Variants in RGS6 observed in about 807,000 individuals in gnomAD.
RGS6 encodes regulator of G-protein signaling 6.
In RGS6, 30 loss-of-function variants were observed where a neutral mutation model predicts 78.5. That is an observed-to-expected ratio of 0.38 (90% CI 0.29 to 0.52). The LOEUF (loss-of-function observed/expected upper bound fraction) is 0.52, where lower values mean the gene tolerates loss of function less well. Among genes scored for constraint, RGS6 ranks in the 20% least tolerant of loss-of-function variants. The probability of loss-of-function intolerance (pLI) is 0.85; values close to 1 mark genes in which losing one functional copy is unlikely to be tolerated. For missense variants in RGS6, 495 were observed against 609.7 expected, an observed-to-expected ratio of 0.81 and a Z score of 1.98; for synonymous variants, 206 against 206.0, an observed-to-expected ratio of 1.00 and a Z score of 0.00.
intron 13 of RGS6, among the ~76,000 whole-genome samples, chr14:72,503,390 G>A (rs1347468533): frequency 6.6e-6 from 1 of 152,090 alleles, no homozygotes; most frequent in Non-Finnish European, 1.5e-5. Context: ...ACTTGTCCTG[G>A]CATCAATTCT....
chr14:71,981,908 T>A (rs1327863095), intron 2 of RGS6, among the ~76,000 whole-genome samples: 1 of 149,992 alleles, frequency 6.7e-6, no homozygotes, highest in East Asian at 2.0e-4. Context: ...TGCAGTTTGA[T>A]CTCAGACTGC....
At chr14:72,172,001 T>C (rs1346468323) in intron 2 of RGS6, among the ~76,000 whole-genome samples, 2 of 152,184 alleles carry the variant, frequency 1.3e-5, no homozygotes, top group Non-Finnish European at 2.9e-5. Context: ...GAGCTTGCCA[T>C]GCCTCTTGGT....
the RGS6 span, among the ~76,000 whole-genome samples, chr14:71,891,793 A>C: frequency 6.6e-6 from 1 of 152,100 alleles, no homozygotes; most frequent in African/African-American, 2.4e-5. Context: ...CTGGATATCC[A>C]CTTAGCAGAC....
At chr14:72,003,889 A>G (rs537577963) in intron 2 of RGS6, among the ~76,000 whole-genome samples, 4 of 152,302 alleles carry the variant, frequency 2.6e-5, no homozygotes, top group African/African-American at 7.2e-5. Context: ...AGGACGGCGC[A>G]TGAGCTTGGA....
At chr14:72,239,307 G>A (rs847263) in intron 2 of RGS6, among the ~76,000 whole-genome samples, 46,913 of 151,978 alleles carry the variant, frequency 0.31, 7,957 homozygotes, top group South Asian at 0.43. Context: ...TCCCTTTTCT[G>A]GTGGTGTGCC....
At chr14:72,602,180 C>T in the RGS6 span, among the ~76,000 whole-genome samples, 3 of 152,192 alleles carry the variant, frequency 2.0e-5, no homozygotes, top group Non-Finnish European at 4.4e-5. Context: ...ACTCCCAAGC[C>T]AGGGTACTTT....
the RGS6 span, among the ~76,000 whole-genome samples, chr14:71,875,565 A>G: frequency 2.6e-5 from 4 of 152,030 alleles, no homozygotes; most frequent in Non-Finnish European, 5.9e-5. Flanking sequence ...CTAGCGGTCT[A>G]TCAATTTTGC....
At chr14:71,940,327 G>A (rs2090314936) in intron 1 of RGS6, among the ~76,000 whole-genome samples, 1 of 152,192 alleles carries the variant, frequency 6.6e-6, no homozygotes. Context: ...CCTTCCTTAA[G>A]GGGACCCAGC....
intron 3 of RGS6, among the ~76,000 whole-genome samples, chr14:72,429,738 G>A (rs566823640): frequency 1.2e-4 from 18 of 152,332 alleles, no homozygotes; most frequent in African/African-American, 4.3e-4. Context: ...AGTGTTAAAA[G>A]ACAGCTGATA....
intron 3 of RGS6, among the ~76,000 whole-genome samples, chr14:72,380,583 A>G (rs1249194868): frequency 1.3e-5 from 2 of 152,176 alleles, no homozygotes; most frequent in African/African-American, 4.8e-5. Flanking sequence ...GTTCAACATC[A>G]TGAATCATCA....
intron 2 of RGS6, among the ~76,000 whole-genome samples, chr14:72,152,239 A>T (rs1320552092): frequency 2.8e-5 from 4 of 142,452 alleles, no homozygotes; most frequent in African/African-American, 8.0e-5. Context: ...AGAGAGAGAG[A>T]GAGAGAGTGT....
At chr14:72,037,166 A>C (rs1205893710) in intron 2 of RGS6, among the ~76,000 whole-genome samples, 7 of 152,188 alleles carry the variant, frequency 4.6e-5, no homozygotes, top group African/African-American at 1.4e-4. Flanking sequence ...TAAATGCACC[A>C]ATCAGCACTC....
At chr14:71,882,079 A>T in the RGS6 span, among the ~76,000 whole-genome samples, 1 of 152,212 alleles carries the variant, frequency 6.6e-6, no homozygotes, top group African/African-American at 2.4e-5. Context: ...CCAGACTGAA[A>T]TTCTGTATTC....
chr14:72,082,109 A>G (rs1325868049), intron 2 of RGS6, among the ~76,000 whole-genome samples: 2 of 151,978 alleles, frequency 1.3e-5, no homozygotes, highest in East Asian at 1.9e-4. Context: ...AGAGCAGGAG[A>G]AGGAAATTCT....
intron 3 of RGS6, among the ~76,000 whole-genome samples, chr14:72,437,198 A>C (rs1237582991): frequency 6.7e-6 from 1 of 148,396 alleles, no homozygotes; most frequent in Non-Finnish European, 1.5e-5. Context: ...AAAATTAGCC[A>C]GGCATGGTGG....
At chr14:72,567,484 C>T (rs2097714894), downstream of RGS6, among the ~76,000 whole-genome samples, 2 of 152,218 alleles carry the variant, frequency 1.3e-5, no homozygotes, top group Admixed American at 1.3e-4. Flanking sequence ...CAGGGCTCTG[C>T]TTTCAGGTCC....
chr14:72,621,008 G>A, the RGS6 span, among the ~76,000 whole-genome samples: 2 of 152,058 alleles, frequency 1.3e-5, no homozygotes, highest in Non-Finnish European at 2.9e-5. Flanking sequence ...AGGCATGGTG[G>A]CGTGCACCTG....
chr14:72,054,492 T>C (rs972839209), intron 2 of RGS6, among the ~76,000 whole-genome samples: 4 of 152,132 alleles, frequency 2.6e-5, no homozygotes, highest in Admixed American at 1.3e-4. Flanking sequence ...TCATTGAACG[T>C]CCCTTGAATT....
At chr14:72,342,636 G>A (rs568116563) in intron 2 of RGS6, among the ~76,000 whole-genome samples, 6 of 150,448 alleles carry the variant, frequency 4.0e-5, no homozygotes, top group African/African-American at 1.5e-4. Context: ...ATGCTGAGGT[G>A]GGAGAATTGC....
Sources: gnomAD v4.1 joint callset for allele counts (sites outside exome capture counted in the v4.1 genomes callset) on GRCh38, gnomAD v4.1.1 for gene constraint, MANE v1.5 for transcripts, NCBI Gene and HGNC (gene_info 2026-07-23, HGNC 2026-07-21) for gene names.